The following ZNF213 variants were observed in gnomAD, a reference collection of about 807,000 sequenced individuals.
ZNF213 encodes the protein putative transcription factor CR53.
A neutral mutation model predicts 46.0 loss-of-function variants in ZNF213; 32 were observed. That is an observed-to-expected ratio of 0.70 (90% CI 0.52 to 0.93). ZNF213 has a LOEUF of 0.93. ZNF213 is among the 40% of genes least tolerant of loss of function. The pLI, the probability that ZNF213 is intolerant of heterozygous loss-of-function variation, is 0.00. For synonymous variants in ZNF213, 297 were observed against 271.0 expected (o/e 1.10, Z -0.94); for missense variants, 639 against 652.8 (o/e 0.98, Z 0.23).
At chr16:3,135,664 C>G (rs1957526276) in intron 1 of ZNF213, among the ~76,000 whole-genome samples, 1 of 152,008 alleles carries the variant, frequency 6.6e-6, no homozygotes, top group East Asian at 1.9e-4. Flanking sequence ...CTATGGATGA[C>G]TTTTTTAGTA....
In ZNF213 at chr16:3,137,230, G is replaced by GT. The variant is rs750818772; in HGVS notation, c.-49dup. The GT allele has an allele frequency of 2.6e-5, 39 of 1,527,810 alleles. No individual in the cohort carries two copies. The highest frequency in any genetic ancestry group is 3.2e-5 in the Non-Finnish European group (36 of 1,141,330). The allele number at this position is 1,527,810 out of a possible 1,614,324, so 94.6% of individuals were successfully genotyped here. A position where few individuals can be genotyped will look rare whatever the true frequency, so the allele number is the denominator to read the frequency against. ...TCCCTCTGGGAGACTGAAAGTACAGGTTCTGGGGCCCAGGTTGAAGCCGAC... is the reference window on the plus strand; with the variant it reads ...TCCCTCTGGGAGACTGAAAGTACAGGTTTCTGGGGCCCAGGTTGAAGCCGAC... On this transcript the variant is annotated 5_prime_UTR_variant, in exon 2 of 6. Transcript: ENST00000396878.
In ZNF213 at chr16:3,137,529, G is replaced by T; in HGVS notation, c.249G>T (p.Gln83His). ...GGCCCGAGCTGCGTACCAAGGAGCA[G>T]ATCCTGGAGCTGCTGGTGCTGGAGC... ...WLRPELRTKEQILELLVLEQF... is the reference protein window; with the variant it reads ...WLRPELRTKEHILELLVLEQF... The change falls in exon 2 of 6, where the codon CAG (glutamine) becomes CAT (histidine). Residue 83 changes from glutamine to histidine, a missense_variant. By Grantham distance (24) the Gln-to-His change is conservative (BLOSUM62 0). Transcript: ENST00000396878. 1.2e-6 allele frequency: 2 copies of T among 1,614,062 alleles called. No homozygotes were observed. Among genetic ancestry groups the T allele is most frequent in the South Asian group, 2.2e-5 (2 of 91,090 alleles).
chr16:3,135,553 A>G (rs1010929137), intron 1 of ZNF213, 166 bp downstream of exon 1: 4 of 152,224 alleles, frequency 2.6e-5, no homozygotes, highest in African/African-American at 9.7e-5. Flanking sequence ...ATTGATTAAG[A>G]AACTAGAGCA....
At chr16:3,138,684 G>A in intron 3 of ZNF213, 61 bp from the exon 4 acceptor site, 2 of 1,611,666 alleles carry the variant, frequency 1.2e-6, no homozygotes, top group South Asian at 2.2e-5. Context: ...GGCTGGGGAG[G>A]CCATAGGCGT....
In ZNF213 at chr16:3,137,252, C is replaced by T. The variant is rs753312425; in HGVS notation, c.-29C>T. ...CAGGTTCTGGGGCCCAGGTTGAAGC[C>T]GACCAACCCTGAGCCTCAGGCCAGG... On this transcript the variant is annotated 5_prime_UTR_variant, in exon 2 of 6. Transcript: ENST00000396878. The T allele has an allele frequency of 3.2e-5, 49 of 1,542,566 alleles. No homozygotes were observed. Among genetic ancestry groups the T allele is most frequent in the Middle Eastern group, 2.1e-4 (1 of 4,800 alleles).
At chr16:3,137,820 T>C (rs947002529) in intron 2 of ZNF213, 141 bp downstream of exon 2, 3 of 1,066,852 alleles carry the variant, frequency 2.8e-6, no homozygotes, top group Non-Finnish European at 2.7e-6. Flanking sequence ...ACAAGCACAG[T>C]GTGCCATGGG....
In ZNF213 at chr16:3,141,349, C is replaced by G. The variant is rs1316292759; in HGVS notation, c.*2C>G. The G allele has an allele frequency of 3.2e-6, 5 of 1,541,786 alleles. No individual in the cohort carries two copies. Among genetic ancestry groups the G allele is most frequent in the Non-Finnish European group, 4.4e-6 (5 of 1,147,808 alleles). On this transcript the variant is annotated 3_prime_UTR_variant, in exon 6 of 6. Coordinates refer to ENST00000396878, the MANE Select transcript of ZNF213 (RefSeq NM_004220.3). ...AAGATGGCCCAGCCCGTGGGGTGAG[C>G]AGCTGGCTTGGCCGGAAACCCGGGG...
Position 3,139,261 on chromosome 16 carries a change from C to T in ZNF213, c.721+163C>T, listed in dbSNP as rs558360779. On this transcript the variant is annotated intron_variant, in intron 5 of 5. Coordinates refer to ENST00000396878, the MANE Select transcript of ZNF213 (RefSeq NM_004220.3). ...TCTTGGCTGATGATCAGTTTTTGTG[C>T]GTTTCCACATGCAGCATGGGACGGC... 17 of 1,104,348 alleles carry T rather than the reference C, an allele frequency of 1.5e-5. No homozygotes were observed. The Admixed American group carries it at 3.3e-4, about 22-fold the overall frequency. The allele number at this position is 1,104,348 out of a possible 1,614,324, so 68.4% of individuals were successfully genotyped here.
chr16:3,142,153 C>T lies in ZNF213; in HGVS notation c.*806C>T. The T allele has an allele frequency of 1.0e-5, 2 of 194,114 alleles. No homozygotes were observed. Among genetic ancestry groups the T allele is most frequent in the South Asian group, 6.4e-5 (1 of 15,528 alleles). The allele number at this position is 194,114 out of a possible 1,614,324, so 12.0% of individuals were successfully genotyped here. ...GCACTCCATCAGCACTAGCACCTCA[C>T]TCCATCAGCACTAGCACCTCACTCC... On this transcript the variant is annotated 3_prime_UTR_variant, in exon 6 of 6. Transcript: ENST00000396878.
chr16:3,140,574 C>T (rs906580325), intron 5 of ZNF213, 115 bp from the exon 6 acceptor site: 4 of 1,379,698 alleles, frequency 2.9e-6, no homozygotes, highest in Non-Finnish European at 3.8e-6. Context: ...TGTGTGAACC[C>T]AGGGCTTTCT....
intron 2 of ZNF213, chr16:3,138,175 G>T: frequency 1.5e-6 from 1 of 684,814 alleles, no homozygotes; most frequent in Non-Finnish European, 2.3e-6. Flanking sequence ...CCCTTGCTAA[G>T]TGGCTGTGAT....
At position 3,138,460 on chromosome 16, in the gene ZNF213, G is replaced by C. The variant is rs1450093596; in HGVS notation, c.442G>C (p.Gly148Arg). The part of the protein sequence containing the change: ...EEAEPEAAGR[G>R]SQATGPPPTV... ...GGCGGAACCCGAGGCTGCAGGCCGG[G>C]GATCCCAGGCCACGGGGCCTCCCCC... Residue 148 changes from glycine to arginine, a missense_variant, in exon 3 of 6, where the codon GGA becomes CGA. Gly to Arg is a moderately radical substitution (Grantham distance 125, BLOSUM62 -2). Coordinates refer to ENST00000396878, the MANE Select transcript of ZNF213 (RefSeq NM_004220.3). The C allele has an allele frequency of 6.2e-7, 1 of 1,613,088 alleles. No individual in the cohort carries two copies. The highest frequency in any genetic ancestry group is 1.3e-5 in the African/African-American group (1 of 74,916).
Position 3,137,331 on chromosome 16 carries a change from G to A in ZNF213, c.51G>A (p.Gly17=). The A allele has an allele frequency of 6.2e-7, 1 of 1,612,732 alleles. No homozygotes were observed. Among genetic ancestry groups the A allele is most frequent in the Non-Finnish European group, 8.5e-7 (1 of 1,179,124 alleles). ...ACCAGGCCCCTGGGGAGGGAGAAGG[G>A]CTTCTGATTGTGAAAGTGGAAGATT... ...AQDQAPGEGE[G]LLIVKVEDSS... is the part of the protein sequence containing the mutation. The change falls in exon 2 of 6, where the codon GGG becomes GGA. Residue 17 remains glycine, a synonymous_variant. Transcript: ENST00000396878.
At position 3,135,039 on chromosome 16, in the gene ZNF213, G is replaced by A. The variant is rs1957517992; in HGVS notation, c.-464G>A. The A allele has an allele frequency of 6.6e-6, 1 of 151,772 alleles. No homozygotes were observed. Among genetic ancestry groups the A allele is most frequent in the Non-Finnish European group, 1.5e-5 (1 of 67,734 alleles). 9.4% of individuals were successfully genotyped at this position (151,772 alleles called of 1,614,324 possible). On this transcript the variant is annotated 5_prime_UTR_variant, in exon 1 of 6. Transcript: ENST00000396878. The stretch of plus-strand genomic sequence containing the variant: ...CCCAGCGAGCCCCGCGAGGACTTCC[G>A]GCGCCGGGAGCTCGCGGCGGAAGTG...
rs1269450473 is a variant in ZNF213, at chr16:3,141,548, C to T, written c.*201C>T. On this transcript the variant is annotated 3_prime_UTR_variant, in exon 6 of 6. Transcript: ENST00000396878. The stretch of plus-strand genomic sequence containing the variant: ...CAAAGGGAACGGAAGCCTTCCCCTC[C>T]CGCCCCCGATCTTGTCCTCTTTCCC... The T allele has an allele frequency of 3.5e-6, 2 of 573,786 alleles. No individual in the cohort carries two copies. Among genetic ancestry groups the T allele is most frequent in the Non-Finnish European group, 3.0e-6 (1 of 337,404 alleles). The allele number at this position is 573,786 out of a possible 1,614,324, so 35.5% of individuals were successfully genotyped here.
chr16:3,141,166 C>CT lies in ZNF213; in HGVS notation c.1202dup (p.Gly402ArgfsTer25). Reference sequence around the variant, plus strand: ...CAGCGCATACACACGGGCGAGAAGCCTTTCGGCTGCAGCGACTGCGGCAAG... The same window carrying CT: ...CAGCGCATACACACGGGCGAGAAGCCTTTTCGGCTGCAGCGACTGCGGCAAG... On this transcript the variant is annotated frameshift_variant, in exon 6 of 6. Coordinates refer to ENST00000396878, the MANE Select transcript of ZNF213 (RefSeq NM_004220.3). LOFTEE classifies it high-confidence loss of function. 6.2e-7 allele frequency: 1 copy of CT among 1,612,482 alleles called. No homozygotes were observed. The highest frequency in any genetic ancestry group is 8.5e-7 in the Non-Finnish European group (1 of 1,179,830).
chr16:3,140,617 T>C (rs2141539636), intron 5 of ZNF213, 72 bp from the exon 6 acceptor site: 1 of 1,439,712 alleles, frequency 6.9e-7, no homozygotes, highest in African/African-American at 1.5e-5. Context: ...TCCCCAGCCT[T>C]GTTTCTTCCT....
At chr16:3,138,696 G>C in intron 3 of ZNF213, 49 bp from the exon 4 acceptor site, 1 of 1,612,352 alleles carries the variant, frequency 6.2e-7, no homozygotes, top group Non-Finnish European at 8.5e-7. Context: ...CATAGGCGTC[G>C]GTGTCAAGCC....
At chr16:3,135,453 C>T (rs1300504190) in intron 1 of ZNF213, 66 bp downstream of exon 1, 1 of 152,224 alleles carries the variant, frequency 6.6e-6, no homozygotes, top group Non-Finnish European at 1.5e-5. Context: ...ATGGTGCGCG[C>T]ACCTTTCAGG....
Sources: gnomAD v4.1 joint callset for allele counts (sites outside exome capture counted in the v4.1 genomes callset) on GRCh38, gnomAD v4.1.1 for gene constraint, MANE v1.5 for transcripts, NCBI Gene and HGNC (gene_info 2026-07-23, HGNC 2026-07-21) for gene names.